PI4K2A: variants seen among roughly 807,000 people sequenced by gnomAD.
PI4K2A encodes phosphatidylinositol 4-kinase type 2-alpha.
PI4K2A carries 20 observed loss-of-function variants against 55.0 expected under a neutral mutation model. The observed-to-expected ratio is 0.36, with a 90% CI of 0.26 to 0.53. The LOEUF (loss-of-function observed/expected upper bound fraction) is 0.53, where lower values mean the gene tolerates loss of function less well. PI4K2A is among the 20% of genes least tolerant of loss of function. The pLI is 0.91. For synonymous variants in PI4K2A, 235 were observed against 258.5 expected (o/e 0.91, Z 0.87); for missense variants, 463 against 637.1 (o/e 0.73, Z 2.94).
chr10:97,665,276 G>A (rs915745325), intron 6 of PI4K2A, among the ~76,000 whole-genome samples: 1 of 152,006 alleles, frequency 6.6e-6, no homozygotes, highest in African/African-American at 2.4e-5. Context: ...TTCTTTCTGA[G>A]GACTTTTTTT....
intron 1 of PI4K2A, among the ~76,000 whole-genome samples, chr10:97,642,855 CTTTCTTTCTTTTTCTTTCTTT>C (rs2041481417): frequency 6.8e-5 from 1 of 14,636 alleles, no homozygotes. Flanking sequence ...TCCTTCCTTT[CTTTCTTTCTTTTTCTTTCTTT>C]CTTTCTTTCT....
chr10:97,651,446 C>A (rs758750402), intron 2 of PI4K2A, among the ~76,000 whole-genome samples: 26 of 152,168 alleles, frequency 1.7e-4, no homozygotes, highest in Non-Finnish European at 1.2e-4. Context: ...AGTTAGAAAC[C>A]TAGTGACTTT....
intron 8 of PI4K2A, among the ~76,000 whole-genome samples, chr10:97,671,630 T>TTTTG (rs370299992): frequency 4.6e-5 from 7 of 152,206 alleles, no homozygotes; most frequent in South Asian, 2.1e-4. Context: ...GCTTTTTACT[T>TTTTG]TTTGTTTGTT....
At chr10:97,669,341 G>A (rs576268501) in intron 8 of PI4K2A, among the ~76,000 whole-genome samples, 26 of 152,282 alleles carry the variant, frequency 1.7e-4, no homozygotes, top group African/African-American at 6.3e-4. Context: ...GAGTAAACTG[G>A]CTTCTCCAGT....
At chr10:97,651,013 C>G in exon 2 of PI4K2A, 1 of 1,614,002 alleles carries the variant, frequency 6.2e-7, no homozygotes, top group East Asian at 2.2e-5. Context: ...GACCAAGTGG[C>G]TGCAGAAGCT....
intron 1 of PI4K2A, among the ~76,000 whole-genome samples, chr10:97,644,235 C>T (rs1383816667): frequency 6.6e-6 from 1 of 152,136 alleles, no homozygotes; most frequent in Admixed American, 6.6e-5. Context: ...CTTGTAATCC[C>T]AGCTACTCGG....
chr10:97,660,666 T>G (rs2041578008), intron 4 of PI4K2A, among the ~76,000 whole-genome samples: 1 of 139,298 alleles, frequency 7.2e-6, no homozygotes, highest in Non-Finnish European at 1.6e-5. Flanking sequence ...CTTACAAGTG[T>G]TTTTTTTTTT....
At chr10:97,652,788 T>C (rs1254794128) in intron 2 of PI4K2A, among the ~76,000 whole-genome samples, 2 of 152,248 alleles carry the variant, frequency 1.3e-5, no homozygotes, top group Non-Finnish European at 2.9e-5. Flanking sequence ...CAGAGACCAC[T>C]TCTCAAGATT....
At chr10:97,641,004 G>T (rs1241149463) in exon 1 of PI4K2A, 1 of 1,554,390 alleles carries the variant, frequency 6.4e-7, no homozygotes, top group African/African-American at 1.4e-5. Context: ...GGCCGCTCAG[G>T]CCGCGGCGGC....
chr10:97,645,681 G>T (rs2041501758), intron 1 of PI4K2A, among the ~76,000 whole-genome samples: 1 of 150,040 alleles, frequency 6.7e-6, no homozygotes, highest in Non-Finnish European at 1.5e-5. Flanking sequence ...AAACTTGACT[G>T]CCTCTTAACG....
chr10:97,667,066 T>C (rs2041612982), exon 8 of PI4K2A: 2 of 1,613,438 alleles, frequency 1.2e-6, no homozygotes, highest in Non-Finnish European at 1.7e-6. Context: ...TGCAGAAAGA[T>C]CCTGGTTTCG....
exon 1 of PI4K2A, chr10:97,641,037 C>G: frequency 6.3e-7 from 1 of 1,594,740 alleles, no homozygotes; most frequent in Non-Finnish European, 8.5e-7. Context: ...TCAGGCCCAC[C>G]GCGAGCGGAA....
intron 2 of PI4K2A, among the ~76,000 whole-genome samples, chr10:97,653,159 A>G (rs2041537371): frequency 6.6e-6 from 1 of 152,236 alleles, no homozygotes; most frequent in Admixed American, 6.5e-5. Flanking sequence ...CTCCTTGCTT[A>G]TCACTCTATA....
intron 1 of PI4K2A, among the ~76,000 whole-genome samples, chr10:97,646,438 A>G (rs2041505259): frequency 6.6e-6 from 1 of 151,996 alleles, no homozygotes; most frequent in African/African-American, 2.4e-5. Flanking sequence ...GGTGGTCTCA[A>G]ACTCCTGATC....
chr10:97,665,029 A>G (rs774298898), intron 6 of PI4K2A, 45 bp downstream of exon 6: 3 of 1,188,370 alleles, frequency 2.5e-6, no homozygotes, highest in Admixed American at 1.7e-5. Context: ...CTTGCTCAGT[A>G]TATTTTCTCA....
exon 9 of PI4K2A, chr10:97,675,560 A>C (rs2135766407): frequency 6.6e-6 from 1 of 152,524 alleles, no homozygotes; most frequent in South Asian, 2.1e-4. Flanking sequence ...CTCTGTAGAC[A>C]TTTTTACCCA....
chr10:97,661,851 ATTTTTTTTTT>A (rs11293508), intron 4 of PI4K2A, among the ~76,000 whole-genome samples: 1 of 126,016 alleles, frequency 7.9e-6, no homozygotes, highest in East Asian at 2.2e-4. Context: ...TTCAGGTTTG[ATTTTTTTTTT>A]TTTTTTTTTG....
chr10:97,658,000 T>G (rs962023798), intron 4 of PI4K2A, among the ~76,000 whole-genome samples: 2 of 152,094 alleles, frequency 1.3e-5, no homozygotes, highest in Non-Finnish European at 2.9e-5. Flanking sequence ...CATGCATGGC[T>G]AATTTTTGTG....
chr10:97,648,925 A>G (rs2041517851), intron 1 of PI4K2A, among the ~76,000 whole-genome samples: 1 of 152,216 alleles, frequency 6.6e-6, no homozygotes, highest in Non-Finnish European at 1.5e-5. Context: ...GTTTGTCTTT[A>G]AGAATAAATT....
Sources: allele counts gnomAD v4.1 joint callset (sites outside exome capture counted in the v4.1 genomes callset), GRCh38; gene constraint gnomAD v4.1.1; transcripts MANE v1.5; gene names NCBI Gene and HGNC (gene_info 2026-07-23, HGNC 2026-07-21).